MARCHF10: variants seen among roughly 807,000 people sequenced by gnomAD.
The protein encoded by MARCHF10 is probable E3 ubiquitin-protein ligase MARCHF10.
A neutral mutation model predicts 76.2 loss-of-function variants in MARCHF10; 64 were observed. The ratio of observed to expected loss-of-function variants is 0.84; its 90% confidence interval spans 0.69 to 1.03. The LOEUF is 1.03. Among genes scored for constraint, MARCHF10 ranks in the 50% least tolerant of loss-of-function variants. The pLI, the probability that MARCHF10 is intolerant of heterozygous loss-of-function variation, is 0.00. For synonymous variants in MARCHF10, 340 were observed against 357.5 expected (o/e 0.95, Z 0.55); for missense variants, 875 against 958.0 (o/e 0.91, Z 1.14).
intron 2 of MARCHF10, among the ~76,000 whole-genome samples, chr17:62,800,244 G>A (rs542519902): frequency 2.0e-5 from 3 of 152,252 alleles, no homozygotes; most frequent in South Asian, 2.1e-4. Context: ...AAACGGCAAC[G>A]GCTCAAAGCC....
chr17:62,703,245 T>C (rs1403753297), intron 10 of MARCHF10: 1 of 152,332 alleles, frequency 6.6e-6, no homozygotes, highest in Non-Finnish European at 1.5e-5. Flanking sequence ...TGTGCCCTGA[T>C]GTTTTGCCTC....
chr17:62,758,290 A>C (rs1168891323), intron 4 of MARCHF10, among the ~76,000 whole-genome samples: 1 of 152,100 alleles, frequency 6.6e-6, no homozygotes, highest in Admixed American at 6.6e-5. Context: ...CGGAGGTTGC[A>C]GTGAGCTGAG....
intron 6 of MARCHF10, chr17:62,726,238 C>T (rs1379833674): frequency 6.6e-6 from 1 of 152,188 alleles, no homozygotes; most frequent in Non-Finnish European, 1.5e-5. Flanking sequence ...AAGCCTAAGG[C>T]TATTTTCTTT....
At chr17:62,801,088 G>A (rs889324082) in intron 2 of MARCHF10, among the ~76,000 whole-genome samples, 4 of 88,488 alleles carry the variant, frequency 4.5e-5, no homozygotes, top group South Asian at 3.4e-4. Context: ...TACTTTTACA[G>A]TGTTTATTTC....
In MARCHF10 at chr17:62,765,707, ACTT is replaced by A. The variant is rs1486699237; in HGVS notation, c.211-5704_211-5702del. On this transcript the variant is annotated intron_variant, in intron 3 of 10. Transcript: ENST00000311269. ...ACATGGCAAGCAGGACGTGCTAGGT[ACTT>A]CTTATGATGCCAGGCAATCCTTTGT... is the stretch of plus-strand genomic sequence containing the variant. Among the ~76,000 whole-genome samples, 4 of 152,228 alleles carry A rather than the reference ACTT, an allele frequency of 2.6e-5. No homozygotes were observed. In the East Asian group the frequency reaches 7.7e-4, roughly 29 times the overall value.
chr17:62,786,503 C>T (rs1384605346), intron 3 of MARCHF10, among the ~76,000 whole-genome samples: 2 of 152,130 alleles, frequency 1.3e-5, no homozygotes, highest in Non-Finnish European at 2.9e-5. Context: ...GCACGTTGTG[C>T]ACATGTACCC....
At chr17:62,746,397 G>C (rs567869599) in intron 4 of MARCHF10, among the ~76,000 whole-genome samples, 32 of 152,092 alleles carry the variant, frequency 2.1e-4, no homozygotes, top group Non-Finnish European at 3.8e-4. Flanking sequence ...GTAGGATGTT[G>C]ATTAGACATG....
At chr17:62,786,706 A>G (rs1216790660) in intron 3 of MARCHF10, among the ~76,000 whole-genome samples, 1 of 152,204 alleles carries the variant, frequency 6.6e-6, no homozygotes, top group Non-Finnish European at 1.5e-5. Flanking sequence ...CATAATTTGT[A>G]TAGCAGGAAG....
At chr17:62,764,280 G>C (rs531471437) in intron 3 of MARCHF10, among the ~76,000 whole-genome samples, 1 of 152,120 alleles carries the variant, frequency 6.6e-6, no homozygotes, top group Non-Finnish European at 1.5e-5. Flanking sequence ...TCCAAGAACC[G>C]GCAAACTGGT....
At chr17:62,796,245 G>T (rs2092983372) in intron 2 of MARCHF10, among the ~76,000 whole-genome samples, 1 of 152,034 alleles carries the variant, frequency 6.6e-6, no homozygotes, top group South Asian at 2.1e-4. Context: ...ACCCGCCTCT[G>T]CCTCCCCAAG....
At chr17:62,804,449 G>A (rs117335419) in intron 1 of MARCHF10, among the ~76,000 whole-genome samples, 2,077 of 151,900 alleles carry the variant, frequency 0.014, 20 homozygotes, top group Non-Finnish European at 0.02. Flanking sequence ...AAACTCTGCG[G>A]AAAAAAAAGA....
At chr17:62,807,807 C>CA (rs1294647446) in intron 1 of MARCHF10, among the ~76,000 whole-genome samples, 1 of 152,116 alleles carries the variant, frequency 6.6e-6, no homozygotes, top group Admixed American at 6.5e-5. Flanking sequence ...TTCAGAAGCC[C>CA]AGTGGGCCAT....
chr17:62,719,079 G>A (rs748335965), intron 8 of MARCHF10, among the ~76,000 whole-genome samples: 6 of 151,868 alleles, frequency 4.0e-5, no homozygotes, highest in Admixed American at 1.3e-4. Context: ...TCAAAACGTT[G>A]GCCAAAAAAA....
At chr17:62,709,784 C>CT (rs1374655955) in intron 9 of MARCHF10, among the ~76,000 whole-genome samples, 1 of 152,008 alleles carries the variant, frequency 6.6e-6, no homozygotes, top group African/African-American at 2.4e-5. Flanking sequence ...GGGTCTCACT[C>CT]TGTCACACAG....
chr17:62,771,766 G>C (rs71375876), intron 3 of MARCHF10, among the ~76,000 whole-genome samples: 1 of 151,470 alleles, frequency 6.6e-6, no homozygotes, highest in African/African-American at 2.4e-5. Flanking sequence ...TATTAGAGAC[G>C]GAGTTTTGCT....
At chr17:62,782,078 A>G (rs2092668520) in intron 3 of MARCHF10, among the ~76,000 whole-genome samples, 2 of 152,136 alleles carry the variant, frequency 1.3e-5, no homozygotes, top group South Asian at 4.1e-4. Context: ...TGAGCTATAT[A>G]TCATTCTCCT....
chr17:62,755,009 C>G (rs1347084634), intron 4 of MARCHF10, among the ~76,000 whole-genome samples: 2 of 152,198 alleles, frequency 1.3e-5, no homozygotes, highest in African/African-American at 4.8e-5. Flanking sequence ...CTCTTAACAT[C>G]TGAATGCACT....
At chr17:62,799,052 C>A (rs1316007935) in intron 2 of MARCHF10, among the ~76,000 whole-genome samples, 2 of 152,114 alleles carry the variant, frequency 1.3e-5, no homozygotes, top group Non-Finnish European at 2.9e-5. Flanking sequence ...GCAGGGAGTT[C>A]TTTGTTGAAA....
intron 4 of MARCHF10, among the ~76,000 whole-genome samples, chr17:62,756,673 C>T (rs2092053855): frequency 6.6e-6 from 1 of 152,162 alleles, no homozygotes; most frequent in Non-Finnish European, 1.5e-5. Flanking sequence ...ATTGAGTTCT[C>T]ACAGCAATCC....
Sources: allele counts gnomAD v4.1 joint callset (sites outside exome capture counted in the v4.1 genomes callset), GRCh38; gene constraint gnomAD v4.1.1; transcripts MANE v1.5; gene names NCBI Gene and HGNC (gene_info 2026-07-23, HGNC 2026-07-21).